CBFA2T3: variants seen among roughly 807,000 people sequenced by gnomAD.
The protein encoded by CBFA2T3 is CBFA2/RUNX1 partner transcriptional co-repressor 3, also known as transcriptional corepressor CBFA2T3.
CBFA2T3 carries 31 observed loss-of-function variants against 58.6 expected under a neutral mutation model. That is an observed-to-expected ratio of 0.53 (90% CI 0.40 to 0.71). The LOEUF is 0.71. Ranked by LOEUF, CBFA2T3 falls within the 30% of genes least tolerant of loss-of-function variation. The pLI is 0.00. For missense variants in CBFA2T3, 1,076 were observed against 963.1 expected (o/e 1.12, Z -1.55); for synonymous variants, 531 against 421.9 (o/e 1.26, Z -3.17).
At chr16:88,973,740 C>G (rs1972715738) in intron 1 of CBFA2T3, among the ~76,000 whole-genome samples, 1 of 152,196 alleles carries the variant, frequency 6.6e-6, no homozygotes, top group South Asian at 2.1e-4. Flanking sequence ...AGCCCAGCCC[C>G]AAGGGCAAGG....
chr16:88,928,159 TCTCTGAGCACCACCAGGGTTGCCTCACGC>T (rs1413122268), intron 1 of CBFA2T3, among the ~76,000 whole-genome samples: 1 of 152,082 alleles, frequency 6.6e-6, no homozygotes, highest in Non-Finnish European at 1.5e-5. Flanking sequence ...GGCCCGAGGG[TCTCTGAGCACCACCAGGGTTGCCTCACGC>T]CTCTGAGTTT....
chr16:88,975,333 C>T (rs1040816474), intron 1 of CBFA2T3, among the ~76,000 whole-genome samples: 8 of 152,020 alleles, frequency 5.3e-5, no homozygotes, highest in Non-Finnish European at 1.2e-4. Context: ...CCTCCTTCCA[C>T]GGTAGACACC....
intron 1 of CBFA2T3, among the ~76,000 whole-genome samples, chr16:88,928,463 G>A (rs3809593): frequency 0.022 from 3,418 of 152,362 alleles, 59 homozygotes; most frequent in African/African-American, 0.049. Context: ...GGGCTGGAAA[G>A]CAGACACAGG....
chr16:88,936,429 CAG>C (rs1360360814), intron 1 of CBFA2T3, among the ~76,000 whole-genome samples: 5 of 152,104 alleles, frequency 3.3e-5, no homozygotes, highest in Non-Finnish European at 5.9e-5. Flanking sequence ...ACCCCAGCCT[CAG>C]GGGCAGCCGA....
chr16:88,935,882 G>A (rs1971481831), intron 1 of CBFA2T3, among the ~76,000 whole-genome samples: 1 of 152,198 alleles, frequency 6.6e-6, no homozygotes, highest in African/African-American at 2.4e-5. Flanking sequence ...TTGCGTTTGA[G>A]ACCCGAGGGA....
chr16:88,886,042 T>A lies in CBFA2T3; in HGVS notation c.812A>T (p.Asp271Val), dbSNP rs774773075. Residue 271 changes from aspartate (D) to valine (V), a missense_variant, in exon 6 of 12, where the codon GAC becomes GTC. Physicochemically the swap from Asp to Val is radical, Grantham distance 152 (BLOSUM62 -3). Coordinates refer to ENST00000268679, the MANE Select transcript of CBFA2T3 (RefSeq NM_005187.6). The stretch of plus-strand genomic sequence containing the variant: ...GTCGATGGGGGAGGAGGCGCTGGCG[T>A]CCAGCAGGAGCTGCTCATGCTGGGC... ...YLAQHEQLLLDASASSPIDSS... is the reference protein window; with the variant it reads ...YLAQHEQLLLVASASSPIDSS... 1 of 1,579,450 alleles carries A rather than the reference T, an allele frequency of 6.3e-7. No homozygotes were observed. Among genetic ancestry groups the A allele is most frequent in the African/African-American group, 1.3e-5 (1 of 74,686 alleles).
At chr16:88,940,954 G>A in intron 1 of CBFA2T3, 1 of 825,010 alleles carries the variant, frequency 1.2e-6, no homozygotes, top group Non-Finnish European at 1.5e-6. Context: ...GCAGATCCGG[G>A]AACGGCAGCC....
At chr16:88,887,107 A>C (rs755269885) in intron 5 of CBFA2T3, 3 of 152,246 alleles carry the variant, frequency 2.0e-5, no homozygotes, top group Admixed American at 6.5e-5. Context: ...GGTTCTAAGC[A>C]TTTGTAAATA....
chr16:88,938,852 A>C (rs915910460), intron 1 of CBFA2T3: 4 of 152,140 alleles, frequency 2.6e-5, no homozygotes, highest in Non-Finnish European at 5.9e-5. Flanking sequence ...GAAAACCCCA[A>C]AGTCAACCTG....
intron 10 of CBFA2T3, 86 bp downstream of exon 10, chr16:88,880,634 C>T (rs2142532531): frequency 1.8e-6 from 2 of 1,103,604 alleles, no homozygotes; most frequent in Non-Finnish European, 2.7e-6. Context: ...GAGACAGAAG[C>T]TCTTCAAAGC....
At chr16:88,880,921 C>G in intron 9 of CBFA2T3, 133 bp from the exon 10 acceptor site, 1 of 848,596 alleles carries the variant, frequency 1.2e-6, no homozygotes, top group South Asian at 1.5e-5. Context: ...CCCAGGTGCC[C>G]TCGGACAAGG....
chr16:88,943,219 C>G (rs1971802350), intron 1 of CBFA2T3, among the ~76,000 whole-genome samples: 1 of 152,228 alleles, frequency 6.6e-6, no homozygotes, highest in Admixed American at 6.5e-5. Context: ...GTGAGCTAAA[C>G]AATGCCTGCG....
chr16:88,892,037 A>C, intron 4 of CBFA2T3, 66 bp from the exon 5 acceptor site: 1 of 1,441,312 alleles, frequency 6.9e-7, no homozygotes, highest in Non-Finnish European at 9.7e-7. Context: ...CGACCCACCC[A>C]TGCCTGAGGA....
At chr16:88,889,077 G>A (rs1302250037) in intron 5 of CBFA2T3, among the ~76,000 whole-genome samples, 2 of 151,856 alleles carry the variant, frequency 1.3e-5, no homozygotes, top group Admixed American at 6.6e-5. Flanking sequence ...TGAGGCTGGG[G>A]GCATCTGTTG....
At chr16:88,941,197 C>T (rs1971715005) in intron 1 of CBFA2T3, 5 of 980,446 alleles carry the variant, frequency 5.1e-6, no homozygotes, top group Non-Finnish European at 6.0e-6. Context: ...CGCGGGGCGG[C>T]CGCCTGGGCC....
intron 1 of CBFA2T3, among the ~76,000 whole-genome samples, chr16:88,964,933 CATCCATCCATCCATCCATCT>C (rs1326183696): frequency 6.7e-6 from 1 of 148,356 alleles, no homozygotes; most frequent in Non-Finnish European, 1.5e-5. Context: ...TCCATCCATC[CATCCATCCATCCATCCATCT>C]ATCCATCTAT....
chr16:88,938,970 A>T (rs2142797273), intron 1 of CBFA2T3: 1 of 152,228 alleles, frequency 6.6e-6, no homozygotes, highest in African/African-American at 2.4e-5. Flanking sequence ...GCCACCCCAG[A>T]GGCGGCAGCG....
At position 88,901,668 on chromosome 16, in the gene CBFA2T3, G is replaced by A. The variant is rs200523729; in HGVS notation, c.152-12C>T. ...CCTGTCCACTGGGGCTGCGACCAAC[G>A]GAGAAAGAAAGAGTCGGTGAAGCAG... On this transcript the variant is annotated splice_polypyrimidine_tract_variant and intron_variant, in intron 1 of 11. Coordinates refer to ENST00000268679, the MANE Select transcript of CBFA2T3 (RefSeq NM_005187.6). The A allele has an allele frequency of 1.0e-4, 157 of 1,521,872 alleles. 1 individual carries two copies. The African/African-American group carries it at 1.6e-3, about 16-fold the overall frequency. The allele number at this position is 1,521,872 out of a possible 1,614,324, so 94.3% of individuals were successfully genotyped here.
chr16:88,915,807 G>A, intron 1 of CBFA2T3, among the ~76,000 whole-genome samples: 1 of 151,730 alleles, frequency 6.6e-6, no homozygotes, highest in Non-Finnish European at 1.5e-5. Flanking sequence ...CACAGGGTGG[G>A]CGGGCGCCCT....
Sources: gnomAD v4.1 joint callset for allele counts (sites outside exome capture counted in the v4.1 genomes callset) on GRCh38, gnomAD v4.1.1 for gene constraint, MANE v1.5 for transcripts, NCBI Gene and HGNC (gene_info 2026-07-23, HGNC 2026-07-21) for gene names.